Variants in RSU1 observed in about 807,000 individuals in gnomAD.
RSU1 encodes the protein rsu-1.
Under a neutral mutation model 31.1 loss-of-function variants are expected in RSU1, and 26 were observed. The observed-to-expected ratio is 0.84, with a 90% CI of 0.61 to 1.16. The LOEUF (loss-of-function observed/expected upper bound fraction) is 1.16, where lower values mean the gene tolerates loss of function less well. Ranked by LOEUF, RSU1 falls within the 50% of genes most tolerant of loss-of-function variation. RSU1 has a pLI of 0.00. For missense variants in RSU1, 320 were observed against 339.1 expected (o/e 0.94, Z 0.44); for synonymous variants, 164 against 136.3 (o/e 1.20, Z -1.41).
At chr10:16,775,002 C>T (rs897370184) in intron 3 of RSU1, among the ~76,000 whole-genome samples, 2 of 151,882 alleles carry the variant, frequency 1.3e-5, no homozygotes, top group Non-Finnish European at 2.9e-5. Flanking sequence ...TAGGATTGTG[C>T]CACTGTACTC....
rs891681666 is a variant in RSU1 at position 16,743,946 on chromosome 10, C to G, written c.598+8593G>C. ...AGGAGTTCGAGACCAGCCTGGGCAA[C>G]GTAGGGAGACTCAATCTCTAAAAAA... On this transcript the variant is annotated intron_variant, in intron 7 of 8. Transcript: ENST00000345264. Among the ~76,000 whole-genome samples, 5 of 151,708 alleles carry G rather than the reference C, an allele frequency of 3.3e-5. 1 individual carries two copies. Among genetic ancestry groups the G allele is most frequent in the Non-Finnish European group, 1.5e-5 (1 of 67,940 alleles).
Position 16,816,954 on chromosome 10 carries a change from G to A in RSU1, c.109+19C>T. The stretch of plus-strand genomic sequence containing the variant: ...AGCCTTCCAGCTCATCCACGGGAGA[G>A]TCCTGCCCGAGAACTCACAGAGGCC... On this transcript the variant is annotated intron_variant, in intron 2 of 8. Transcript: ENST00000345264. 6.4e-7 allele frequency: 1 copy of A among 1,557,220 alleles called. No individual in the cohort carries two copies. The highest frequency in any genetic ancestry group is 8.9e-7 in the Non-Finnish European group (1 of 1,128,214).
At chr10:16,667,252 C>T (rs538966000) in intron 8 of RSU1, among the ~76,000 whole-genome samples, 1 of 152,150 alleles carries the variant, frequency 6.6e-6, no homozygotes, top group South Asian at 2.1e-4. Flanking sequence ...ATTATAGGTA[C>T]CCAAAGGGGT....
intron 7 of RSU1, among the ~76,000 whole-genome samples, chr10:16,722,933 CAT>C (rs1379718587): frequency 2.7e-5 from 4 of 146,146 alleles, no homozygotes; most frequent in Non-Finnish European, 4.5e-5. Flanking sequence ...TATATACACA[CAT>C]ATACATATAT....
At chr10:16,767,131 C>A (rs987180228) in intron 3 of RSU1, 2 of 152,168 alleles carry the variant, frequency 1.3e-5, no homozygotes, top group African/African-American at 4.8e-5. Context: ...TGCCCACAGA[C>A]CTCATCCCTC....
intron 7 of RSU1, among the ~76,000 whole-genome samples, chr10:16,705,978 AT>A (rs1835892493): frequency 1.3e-5 from 2 of 152,186 alleles, no homozygotes; most frequent in African/African-American, 4.8e-5. Context: ...GAATCCATGA[AT>A]GCAGACTCTG....
At chr10:16,619,496 T>C (rs1431980038) in intron 8 of RSU1, among the ~76,000 whole-genome samples, 2 of 152,202 alleles carry the variant, frequency 1.3e-5, no homozygotes, top group African/African-American at 2.4e-5. Context: ...CAGTGTAGCA[T>C]TAAAACAGAA....
chr10:16,639,761 C>G (rs1834407945), intron 8 of RSU1, among the ~76,000 whole-genome samples: 1 of 152,122 alleles, frequency 6.6e-6, no homozygotes, highest in South Asian at 2.1e-4. Flanking sequence ...ATATTGGCAT[C>G]CTAAGAATTT....
chr10:16,622,602 T>C (rs1427344263), intron 8 of RSU1, among the ~76,000 whole-genome samples: 1 of 151,958 alleles, frequency 6.6e-6, no homozygotes, highest in Admixed American at 6.6e-5. Flanking sequence ...TCAGTGAGAA[T>C]AGATATGGGA....
At chr10:16,645,733 G>A (rs574704803) in intron 8 of RSU1, among the ~76,000 whole-genome samples, 69 of 150,926 alleles carry the variant, frequency 4.6e-4, no homozygotes, top group African/African-American at 1.6e-3. Context: ...CTTGAACTCG[G>A]GAGGCGGAGG....
intron 2 of RSU1, among the ~76,000 whole-genome samples, chr10:16,786,088 T>C (rs1221950538): frequency 6.6e-6 from 1 of 152,166 alleles, no homozygotes; most frequent in Non-Finnish European, 1.5e-5. Context: ...TGGATGGCAC[T>C]AGTGTAAAGC....
intron 8 of RSU1, among the ~76,000 whole-genome samples, chr10:16,678,789 TA>T: frequency 6.6e-6 from 1 of 152,306 alleles, no homozygotes; most frequent in East Asian, 1.9e-4. Context: ...TCCCTAGAGA[TA>T]ACCACCATTA....
intron 8 of RSU1, among the ~76,000 whole-genome samples, chr10:16,685,183 A>C (rs1588714080): frequency 6.6e-6 from 1 of 152,262 alleles, no homozygotes; most frequent in Admixed American, 6.5e-5. Context: ...CTGGGAGGCA[A>C]AGGTTGCAGT....
At chr10:16,744,566 A>G (rs1201319582) in intron 7 of RSU1, among the ~76,000 whole-genome samples, 2 of 152,354 alleles carry the variant, frequency 1.3e-5, no homozygotes, top group South Asian at 4.1e-4. Flanking sequence ...AAAGTACCCA[A>G]CACTTACTAG....
intron 8 of RSU1, among the ~76,000 whole-genome samples, chr10:16,598,916 G>A (rs1833666956): frequency 6.6e-6 from 1 of 152,140 alleles, no homozygotes; most frequent in South Asian, 2.1e-4. Context: ...ATGAGTTTCT[G>A]GGATAAATTA....
intron 8 of RSU1, among the ~76,000 whole-genome samples, chr10:16,679,626 C>T (rs1178557402): frequency 1.3e-5 from 2 of 152,294 alleles, no homozygotes; most frequent in Non-Finnish European, 1.5e-5. Context: ...TCCAGACAGA[C>T]AAGGCAGCAC....
Position 16,718,097 on chromosome 10 carries a change from T to TAAAAA in RSU1, c.599-22947_599-22943dup, listed in dbSNP as rs11411668. Among the ~76,000 whole-genome samples, 20 of 136,186 alleles carry TAAAAA rather than the reference T, an allele frequency of 1.5e-4. No homozygotes were observed. The South Asian group carries it at 3.8e-3, about 26-fold the overall frequency. The allele number at this position is 136,186 out of a possible 152,430, so 89.3% of individuals were successfully genotyped here. ...AGGTGTTTCCAAAGCTCAATTTATT[T>TAAAAA]AAAAAAAAAAAAAAAAGAAAGAAAG... On this transcript the variant is annotated intron_variant, in intron 7 of 8. Transcript: ENST00000345264.
intron 8 of RSU1, 136 bp from the exon 9 acceptor site, chr10:16,593,632 G>T: frequency 1.5e-6 from 1 of 689,158 alleles, no homozygotes; most frequent in Non-Finnish European, 2.5e-6. Flanking sequence ...TCACTTCTGT[G>T]TTCTCTGGGT....
At chr10:16,643,895 T>A (rs199964420) in intron 8 of RSU1, among the ~76,000 whole-genome samples, 47,879 of 150,954 alleles carry the variant, frequency 0.32, 8,144 homozygotes, top group African/African-American at 0.44. Flanking sequence ...GTGAAGATTT[T>A]TTTTTTTAAA....
Sources: allele counts gnomAD v4.1 joint callset (sites outside exome capture counted in the v4.1 genomes callset), GRCh38; gene constraint gnomAD v4.1.1; transcripts MANE v1.5; gene names NCBI Gene and HGNC (gene_info 2026-07-23, HGNC 2026-07-21).